Variants in DYSF observed in about 807,000 individuals in gnomAD.
DYSF encodes the protein dysferlin, also known as dystrophy-associated fer-1-like 1.
A neutral mutation model predicts 274.9 loss-of-function variants in DYSF; 212 were observed. That is an observed-to-expected ratio of 0.77 (90% CI 0.69 to 0.86). DYSF has a LOEUF of 0.86. Ranked by LOEUF, DYSF falls within the 40% of genes least tolerant of loss-of-function variation. The probability of loss-of-function intolerance (pLI) is 0.00; values close to 1 mark genes in which losing one functional copy is unlikely to be tolerated. For synonymous variants in DYSF, 1,091 were observed against 1,078.7 expected (o/e 1.01, Z -0.22); for missense variants, 2,666 against 2,783.2 (o/e 0.96, Z 0.95).
rs577921112 is a variant in DYSF at position 71,669,190 on chromosome 2, C to T, written c.5625C>T (p.Ser1875=). ...DDLSLTGEKM[S]DIYVKGWMIG... ...TGAGCCTCACGGGGGAGAAGATGAG[C>T]GACATTTATGTGAAAGGGTAGGGAG... The change falls in exon 50 of 56, where the codon AGC becomes AGT. Residue 1875 remains serine (S), a synonymous_variant. Transcript: ENST00000410020. 1.2e-4 allele frequency: 199 copies of T among 1,608,544 alleles called. 7 individuals carry two copies. In the South Asian group the frequency reaches 1.9e-3, roughly 15 times the overall value.
At chr2:71,583,272 T>G (rs1464325431) in intron 30 of DYSF, among the ~76,000 whole-genome samples, 2 of 152,190 alleles carry the variant, frequency 1.3e-5, no homozygotes, top group East Asian at 1.9e-4. Flanking sequence ...TGACCCCTTT[T>G]ACATAAGAGA....
intron 36 of DYSF, among the ~76,000 whole-genome samples, chr2:71,610,074 G>A (rs1420503440): frequency 1.3e-5 from 2 of 152,188 alleles, no homozygotes; most frequent in African/African-American, 2.4e-5. Flanking sequence ...TGTCTAAGGG[G>A]CTGCATTTCT....
chr2:71,519,215 A>C (rs1471555966), intron 10 of DYSF, among the ~76,000 whole-genome samples: 1 of 152,042 alleles, frequency 6.6e-6, no homozygotes, highest in Admixed American at 6.6e-5. Context: ...AAGAAGTCAC[A>C]AGATAAAAAA....
chr2:71,638,572 A>G (rs1216963896), intron 41 of DYSF, among the ~76,000 whole-genome samples: 3 of 152,212 alleles, frequency 2.0e-5, no homozygotes, highest in Admixed American at 2.0e-4. Flanking sequence ...TATAAATGAA[A>G]TCCTACAATA....
At chr2:71,602,385 C>T (rs1427947319) in intron 35 of DYSF, among the ~76,000 whole-genome samples, 1 of 152,198 alleles carries the variant, frequency 6.6e-6, no homozygotes, top group Non-Finnish European at 1.5e-5. Flanking sequence ...CTCAGTGCTG[C>T]CCGCTCCTGG....
chr2:71,507,783 G>C (rs1241465475), intron 4 of DYSF, among the ~76,000 whole-genome samples: 1 of 152,200 alleles, frequency 6.6e-6, no homozygotes, highest in Non-Finnish European at 1.5e-5. Flanking sequence ...ACTGCACGGA[G>C]CCCTGCGCTC....
intron 29 of DYSF, among the ~76,000 whole-genome samples, chr2:71,571,494 GCACAGATCACACCCACCACA>G (rs1383533332): frequency 4.0e-5 from 1 of 25,312 alleles, no homozygotes; most frequent in Admixed American, 4.4e-4. Flanking sequence ...CACCCAGCAC[GCACAGATCACACCCACCACA>G]CACAGCTCAC....
At chr2:71,486,358 G>C (rs2083361767) in intron 3 of DYSF, among the ~76,000 whole-genome samples, 1 of 151,360 alleles carries the variant, frequency 6.6e-6, no homozygotes, top group Non-Finnish European at 1.5e-5. Flanking sequence ...ATTCTTTACA[G>C]CCTGTCACTC....
Position 71,570,595 on chromosome 2 carries a change from C to T in DYSF, c.3086-4C>T, listed in dbSNP as rs2092361501. On this transcript the variant is annotated splice_region_variant and splice_polypyrimidine_tract_variant and intron_variant, in intron 28 of 55. Coordinates refer to ENST00000410020, the MANE Select transcript of DYSF (RefSeq NM_001130987.2). ...CAATGAGTGACCGGTTCCCCCTCCCCCAGGCTGGGAGTATAGCATCACCAT... is the reference window on the plus strand; with the variant it reads ...CAATGAGTGACCGGTTCCCCCTCCCTCAGGCTGGGAGTATAGCATCACCAT... 8 of 1,613,430 alleles carry T rather than the reference C, an allele frequency of 5.0e-6. No individual in the cohort carries two copies. In the Admixed American group the frequency reaches 5.0e-5, roughly 10 times the overall value.
intron 32 of DYSF, 80 bp downstream of exon 32, chr2:71,590,368 G>A: frequency 3.3e-6 from 5 of 1,519,142 alleles, no homozygotes; most frequent in Non-Finnish European, 2.7e-6. Flanking sequence ...CGGGCAACAA[G>A]GGGTGCTGTT....
intron 1 of DYSF, among the ~76,000 whole-genome samples, chr2:71,454,440 CCTT>C (rs1011016245): frequency 6.6e-6 from 1 of 152,170 alleles, no homozygotes; most frequent in Admixed American, 6.5e-5. Context: ...GGGCTCTCCT[CCTT>C]CTCCCCTGAA....
intron 43 of DYSF, among the ~76,000 whole-genome samples, chr2:71,656,836 C>G (rs533612496): frequency 6.6e-6 from 1 of 152,120 alleles, no homozygotes; most frequent in Non-Finnish European, 1.5e-5. Flanking sequence ...CCTCCTGGGT[C>G]CCTCCCCCAA....
intron 53 of DYSF, 138 bp downstream of exon 53, chr2:71,679,373 TC>T: frequency 1.2e-6 from 1 of 847,566 alleles, no homozygotes; most frequent in Non-Finnish European, 1.8e-6. Flanking sequence ...CCATCCCCCC[TC>T]TCTCTCTATT....
In DYSF at chr2:71,669,123, G is replaced by GT; in HGVS notation, c.5560dup (p.Cys1854LeufsTer13). The GT allele has an allele frequency of 6.2e-7, 1 of 1,602,778 alleles. No homozygotes were observed. Among genetic ancestry groups the GT allele is most frequent in the Non-Finnish European group, 8.5e-7 (1 of 1,174,512 alleles). On this transcript the variant is annotated frameshift_variant, in exon 50 of 56. Transcript: ENST00000410020. LOFTEE classifies it high-confidence loss of function. ...ATACCTTTCCCCAGGTTTTTCCTGC[G>GT]TTGTATTATCTGGAATACCAGAGAT... is the stretch of plus-strand genomic sequence containing the variant.
chr2:71,564,973 C>A (rs981462334), intron 24 of DYSF, among the ~76,000 whole-genome samples: 1 of 152,212 alleles, frequency 6.6e-6, no homozygotes, highest in South Asian at 2.1e-4. Flanking sequence ...GCGGGAGATC[C>A]CTCCCTGCAC....
chr2:71,686,627 A>T lies in DYSF; in HGVS notation c.*135A>T. On this transcript the variant is annotated 3_prime_UTR_variant, in exon 56 of 56. Transcript: ENST00000410020. ...CCTGCCAGGGTGGGCAGACAGACAGATGGACCGGCCCACACTCCCAGAGTT... is the reference window on the plus strand; with the variant it reads ...CCTGCCAGGGTGGGCAGACAGACAGTTGGACCGGCCCACACTCCCAGAGTT... 1 of 1,029,376 alleles carries T rather than the reference A, an allele frequency of 9.7e-7. No homozygotes were observed. Among genetic ancestry groups the T allele is most frequent in the Non-Finnish European group, 1.5e-6 (1 of 661,510 alleles). 63.8% of individuals were successfully genotyped at this position (1,029,376 alleles called of 1,614,324 possible).
intron 3 of DYSF, among the ~76,000 whole-genome samples, chr2:71,493,189 G>A (rs1029649473): frequency 2.0e-5 from 3 of 152,150 alleles, no homozygotes; most frequent in African/African-American, 7.2e-5. Flanking sequence ...GCACCTGGCT[G>A]ATACCATACT....
rs561880793 is a variant in DYSF, at chr2:71,615,777, A to G, written c.4464+2367A>G. On this transcript the variant is annotated intron_variant, in intron 40 of 55. Transcript: ENST00000410020. The surrounding 1 kb of genome is among the most constrained non-coding windows in gnomAD (Gnocchi z 4.9). Reference sequence around the variant, plus strand: ...TCCTTCCCCAGTGCAGATAGCATGAAGGGCCCTGGCTTCTGGGGACAGGAG... The same window carrying G: ...TCCTTCCCCAGTGCAGATAGCATGAGGGGCCCTGGCTTCTGGGGACAGGAG... Among the ~76,000 whole-genome samples the G allele has an allele frequency of 2.0e-5, 3 of 152,176 alleles. No homozygotes were observed. Among genetic ancestry groups the G allele is most frequent in the African/African-American group, 7.2e-5 (3 of 41,524 alleles).
intron 51 of DYSF, among the ~76,000 whole-genome samples, chr2:71,672,971 C>T (rs905165801): frequency 2.0e-5 from 3 of 152,188 alleles, no homozygotes; most frequent in African/African-American, 2.4e-5. Context: ...TCATGGTCTT[C>T]GGTTCGGGAG....
Sources: gnomAD v4.1 joint callset for allele counts (sites outside exome capture counted in the v4.1 genomes callset) on GRCh38, gnomAD v4.1.1 for gene constraint, Gnocchi (gnomAD v3.1) non-coding constraint, MANE v1.5 for transcripts, NCBI Gene and HGNC (gene_info 2026-07-23, HGNC 2026-07-21) for gene names.